KCNQ1OT1: variants seen among roughly 807,000 people sequenced by gnomAD.
KCNQ1OT1 encodes the protein KCNQ1 opposite strand/antisense transcript 1.
chr11:2,640,377 C>A, exon 1 of KCNQ1OT1: 1 of 398,634 alleles, frequency 2.5e-6, no homozygotes, highest in South Asian at 1.3e-4. Context: ...TCTTTAACTC[C>A]CAGGCTCAAG....
chr11:2,625,736 AT>A (rs1184655235), exon 1 of KCNQ1OT1: 185 of 397,308 alleles, frequency 4.7e-4, no homozygotes, highest in African/African-American at 3.6e-3. Context: ...CGCCTGGCTA[AT>A]TTTTTGTATT....
exon 1 of KCNQ1OT1, chr11:2,681,380 C>G (rs911845155): frequency 5.0e-6 from 2 of 398,404 alleles, no homozygotes; most frequent in African/African-American, 2.1e-5. Flanking sequence ...GAGGATGGCT[C>G]TTGGGGCTGG....
rs1850415499 is a variant in KCNQ1OT1, at chr11:2,682,485, A to G, written n.17510T>C. Reference sequence around the variant, plus strand: ...TCAGTGAATGTTTGACGAGTGAGTGAGTGAGTGAGTGAGTGAGTGAGTACT... The same window carrying G: ...TCAGTGAATGTTTGACGAGTGAGTGGGTGAGTGAGTGAGTGAGTGAGTACT... On this transcript the variant is annotated non_coding_transcript_exon_variant, in exon 1 of 1. Coordinates refer to ENST00000597346, the Ensembl canonical transcript of KCNQ1OT1. The surrounding 1 kb of genome is among the most constrained non-coding windows in gnomAD (Gnocchi z 5.8). 1 of 397,918 alleles carries G rather than the reference A, an allele frequency of 2.5e-6. No homozygotes were observed. The highest frequency in any genetic ancestry group is 4.4e-6 in the Non-Finnish European group (1 of 225,960). The allele number at this position is 397,918 out of a possible 1,614,324, so 24.6% of individuals were successfully genotyped here.
At position 2,658,421 on chromosome 11, in the gene KCNQ1OT1, A is replaced by C. The variant is rs1029844028; in HGVS notation, n.41574T>G. On this transcript the variant is annotated non_coding_transcript_exon_variant, in exon 1 of 1. Transcript: ENST00000597346. The surrounding 1 kb of genome is among the most constrained non-coding windows in gnomAD (Gnocchi z 4.9). ...TTTATTTTGTTGCTCAAATTGTTCA[A>C]GCTGTGGCCACTGGTGGGTTCATGT... is the stretch of plus-strand genomic sequence containing the variant. 8.8e-5 allele frequency: 35 copies of C among 398,394 alleles called. No individual in the cohort carries two copies. The highest frequency in any genetic ancestry group is 4.8e-4 in the Admixed American group (11 of 22,708). The allele number at this position is 398,394 out of a possible 1,614,324, so 24.7% of individuals were successfully genotyped here.
rs1333070259 is a variant in KCNQ1OT1, at chr11:2,674,008, G to C, written n.25987C>G. The C allele has an allele frequency of 2.5e-6, 1 of 398,454 alleles. No homozygotes were observed. The highest frequency in any genetic ancestry group is 3.6e-5 in the East Asian group (1 of 28,028). 24.7% of individuals were successfully genotyped at this position (398,454 alleles called of 1,614,324 possible). On this transcript the variant is annotated non_coding_transcript_exon_variant, in exon 1 of 1. Coordinates refer to ENST00000597346, the Ensembl canonical transcript of KCNQ1OT1. The surrounding 1 kb of genome is among the most constrained non-coding windows in gnomAD (Gnocchi z 5.9). ...GTGGGGTGGGGGGAGGGCCCTCCGT[G>C]CTTTCTGGCTCTTTGGGCCTGGGGT...
rs1046947839 is a variant in KCNQ1OT1 at position 2,683,351 on chromosome 11, C to T, written n.16644G>A. ...CCCGCTCAACACTAGGCCACTGTGCCTGCCACTGCTGTCTGCAAATGCAGG... is the reference window on the plus strand; with the variant it reads ...CCCGCTCAACACTAGGCCACTGTGCTTGCCACTGCTGTCTGCAAATGCAGG... On this transcript the variant is annotated non_coding_transcript_exon_variant, in exon 1 of 1. Coordinates refer to ENST00000597346, the Ensembl canonical transcript of KCNQ1OT1. The surrounding 1 kb of genome is among the most constrained non-coding windows in gnomAD (Gnocchi z 4.7). 4.3e-5 allele frequency: 17 copies of T among 398,510 alleles called. No homozygotes were observed. The highest frequency in any genetic ancestry group is 7.1e-5 in the Non-Finnish European group (16 of 226,068). 24.7% of individuals were successfully genotyped at this position (398,510 alleles called of 1,614,324 possible). A position where few individuals can be genotyped will look rare whatever the true frequency, so the allele number is the denominator to read the frequency against.
chr11:2,631,597 GA>G, exon 1 of KCNQ1OT1: 1 of 398,478 alleles, frequency 2.5e-6, no homozygotes, highest in Non-Finnish European at 4.4e-6. Flanking sequence ...GTCAGTCCCT[GA>G]AAATTATTGT....
chr11:2,655,087 T>TA (rs891098669), exon 1 of KCNQ1OT1: 16 of 398,434 alleles, frequency 4.0e-5, no homozygotes, highest in Non-Finnish European at 6.6e-5. Context: ...CCTGTATTTT[T>TA]AAAAAAATAA....
rs1188209867 is a variant in KCNQ1OT1, at chr11:2,620,943, G to GT, written n.79051dup. Reference sequence around the variant, plus strand: ...GGTGTTTTTTTGTTGTTGTTGTTTTGTTTTGTTTTTTTTTGTCTGTTTTTT... The same window carrying GT: ...GGTGTTTTTTTGTTGTTGTTGTTTTGTTTTTGTTTTTTTTTGTCTGTTTTTT... On this transcript the variant is annotated non_coding_transcript_exon_variant, in exon 1 of 1. Transcript: ENST00000597346. The surrounding 1 kb of genome is among the most constrained non-coding windows in gnomAD (Gnocchi z 4.5). 9.8e-6 allele frequency: 3 copies of GT among 306,682 alleles called. No individual in the cohort carries two copies. The highest frequency in any genetic ancestry group is 6.9e-4 in the Middle Eastern group (1 of 1,442). The allele number at this position is 306,682 out of a possible 1,614,324, so 19.0% of individuals were successfully genotyped here.
chr11:2,630,451 T>C (rs1483101265), exon 1 of KCNQ1OT1: 4 of 398,250 alleles, frequency 1.0e-5, no homozygotes, highest in Non-Finnish European at 1.8e-5. Flanking sequence ...TGTTCCCTCT[T>C]TGTTTGGGGG....
At chr11:2,635,492 A>G (rs1220462786) in exon 1 of KCNQ1OT1, 3 of 152,186 alleles carry the variant, frequency 2.0e-5, no homozygotes, top group Non-Finnish European at 2.9e-5. Flanking sequence ...AGATGATTGT[A>G]GATGTGTGGT....
Position 2,631,569 on chromosome 11 carries a change from T to C in KCNQ1OT1, n.68426A>G, listed in dbSNP as rs977672494. 3 of 398,502 alleles carry C rather than the reference T, an allele frequency of 7.5e-6. No homozygotes were observed. The South Asian group carries it at 3.8e-4, about 51-fold the overall frequency. 24.7% of individuals were successfully genotyped at this position (398,502 alleles called of 1,614,324 possible). The stretch of plus-strand genomic sequence containing the variant: ...TTAATTTTCTGTAAGGCAATTAATG[T>C]ATCCCAATTTCTTGGGAGTCAGTCC... On this transcript the variant is annotated non_coding_transcript_exon_variant, in exon 1 of 1. Coordinates refer to ENST00000597346, the Ensembl canonical transcript of KCNQ1OT1.
chr11:2,643,195 T>C (rs1849606507), exon 1 of KCNQ1OT1: 1 of 398,338 alleles, frequency 2.5e-6, no homozygotes, highest in East Asian at 3.6e-5. Flanking sequence ...AAAGTGCAGT[T>C]TAAATCCAAT....
Position 2,661,555 on chromosome 11 carries a change from T to TGAG in KCNQ1OT1, n.38437_38439dup. On this transcript the variant is annotated non_coding_transcript_exon_variant, in exon 1 of 1. Transcript: ENST00000597346. The surrounding 1 kb of genome is among the most constrained non-coding windows in gnomAD (Gnocchi z 5.9). ...CCTGACCCACTACTCTGTCAATGTATGAGTGTGACAATGTATGGTGGTGGG... is the reference window on the plus strand; with the variant it reads ...CCTGACCCACTACTCTGTCAATGTATGAGGAGTGTGACAATGTATGGTGGTGGG... 2 of 534,676 alleles carry TGAG rather than the reference T, an allele frequency of 3.7e-6. No individual in the cohort carries two copies. The highest frequency in any genetic ancestry group is 6.6e-6 in the Non-Finnish European group (2 of 301,978). 33.1% of individuals were successfully genotyped at this position (534,676 alleles called of 1,614,324 possible).
chr11:2,668,394 A>C lies in KCNQ1OT1; in HGVS notation n.31601T>G, dbSNP rs538819305. On this transcript the variant is annotated non_coding_transcript_exon_variant, in exon 1 of 1. Transcript: ENST00000597346. This position sits in a 1 kb window ranked among gnomAD's most constrained non-coding sequence, Gnocchi z 4.3. ...TGAATACTACCCAGCAGTCTACCAA[A>C]GGAGTCATTCCAATTTTCATTCCCA... 5.0e-6 allele frequency: 2 copies of C among 398,620 alleles called. No homozygotes were observed. The highest frequency in any genetic ancestry group is 8.8e-6 in the Non-Finnish European group (2 of 226,068). The allele number at this position is 398,620 out of a possible 1,614,324, so 24.7% of individuals were successfully genotyped here.
chr11:2,640,793 G>C, exon 1 of KCNQ1OT1: 1 of 398,468 alleles, frequency 2.5e-6, no homozygotes, highest in South Asian at 1.3e-4. Context: ...AACTAGCTGT[G>C]TATTTTTACC....
exon 1 of KCNQ1OT1, chr11:2,610,163 C>T (rs1848955436): frequency 2.5e-6 from 1 of 397,594 alleles, no homozygotes; most frequent in Non-Finnish European, 4.4e-6. Context: ...TATGATTCTT[C>T]AATATTCTAT....
At chr11:2,631,978 C>A (rs914991204) in exon 1 of KCNQ1OT1, 2 of 396,054 alleles carry the variant, frequency 5.0e-6, no homozygotes, top group Non-Finnish European at 8.9e-6. Context: ...GTCAGGAGAT[C>A]GAGACCATCC....
rs577864996 is a variant in KCNQ1OT1, at chr11:2,654,480, C to A, written n.45515G>T. Reference sequence around the variant, plus strand: ...GCCAGGCACACATAAGCCCTGCAGCCGTACAGGGGAGGGGGCAATCTCCGG... The same window carrying A: ...GCCAGGCACACATAAGCCCTGCAGCAGTACAGGGGAGGGGGCAATCTCCGG... On this transcript the variant is annotated non_coding_transcript_exon_variant, in exon 1 of 1. Transcript: ENST00000597346. The surrounding 1 kb of genome is among the most constrained non-coding windows in gnomAD (Gnocchi z 6.4). 1 of 398,242 alleles carries A rather than the reference C, an allele frequency of 2.5e-6. No homozygotes were observed. The highest frequency in any genetic ancestry group is 2.1e-5 in the African/African-American group (1 of 48,434). 24.7% of individuals were successfully genotyped at this position (398,242 alleles called of 1,614,324 possible). A position where few individuals can be genotyped will look rare whatever the true frequency, so the allele number is the denominator to read the frequency against.
Sources: gnomAD v4.1 joint callset for allele counts on GRCh38, gnomAD v4.1.1 for gene constraint, Gnocchi (gnomAD v3.1) non-coding constraint, MANE v1.5 for transcripts, NCBI Gene and HGNC (gene_info 2026-07-23, HGNC 2026-07-21) for gene names.